Variants in FAT1 observed in about 807,000 individuals in gnomAD.
FAT1 encodes protocadherin Fat 1.
FAT1 carries 171 observed loss-of-function variants against 329.8 expected under a neutral mutation model. The ratio of observed to expected loss-of-function variants is 0.52; its 90% CI spans 0.46 to 0.59. The LOEUF (loss-of-function observed/expected upper bound fraction) is 0.59. Ranked by LOEUF, FAT1 falls within the 20% of genes least tolerant of loss-of-function variation. The pLI is 0.00. For missense variants in FAT1, 5,672 were observed against 5,774.4 expected (o/e 0.98, Z 0.57); for synonymous variants, 2,233 against 2,228.6 (o/e 1.00, Z -0.06).
intron 2 of FAT1, among the ~76,000 whole-genome samples, chr4:186,694,613 A>G (rs941468301): frequency 6.6e-6 from 1 of 152,228 alleles, no homozygotes; most frequent in African/African-American, 2.4e-5. Context: ...CCTTTAAAAG[A>G]AAGTGTTTGG....
At chr4:186,636,941 C>T (rs1740854781) in intron 4 of FAT1, 27 bp from the exon 5 acceptor site, 2 of 1,548,896 alleles carry the variant, frequency 1.3e-6, no homozygotes, top group African/African-American at 1.4e-5. Flanking sequence ...AACAGATTAA[C>T]ATGTTAAGAT....
At position 186,600,423 on chromosome 4, in the gene FAT1, C is replaced by A. The variant is rs1738757073; in HGVS notation, c.11641-63G>T. The A allele has an allele frequency of 6.5e-6, 9 of 1,382,724 alleles. 1 individual carries two copies. In the South Asian group the frequency reaches 1.1e-4, roughly 17 times the overall value. 85.7% of individuals were successfully genotyped at this position (1,382,724 alleles called of 1,614,324 possible). ...AGAACCTTCAATGAGAGCACCTGATCACAAATCTACAGGAGAGGGCTTAGG... is the reference window on the plus strand; with the variant it reads ...AGAACCTTCAATGAGAGCACCTGATAACAAATCTACAGGAGAGGGCTTAGG... On this transcript the variant is annotated intron_variant, in intron 21 of 26. Transcript: ENST00000441802.
At chr4:186,718,847 G>A (rs118145904) in intron 1 of FAT1, among the ~76,000 whole-genome samples, 1 of 152,016 alleles carries the variant, frequency 6.6e-6, no homozygotes, top group East Asian at 1.9e-4. Context: ...CAGAGATCCT[G>A]CAGGTCCACC....
At chr4:186,689,886 G>T (rs1361700909) in intron 2 of FAT1, among the ~76,000 whole-genome samples, 8 of 152,156 alleles carry the variant, frequency 5.3e-5, no homozygotes, top group Non-Finnish European at 8.8e-5. Context: ...AACACACCAT[G>T]TGACTCTTTA....
chr4:186,711,663 A>T (rs1035075464), intron 1 of FAT1, among the ~76,000 whole-genome samples: 1 of 152,188 alleles, frequency 6.6e-6, no homozygotes, highest in African/African-American at 2.4e-5. Flanking sequence ...CACACCTGTA[A>T]TCCCAGAACT....
At position 186,611,636 on chromosome 4, in the gene FAT1, A is replaced by T. The variant is rs1335594631; in HGVS notation, c.9603T>A (p.Ala3201=). The change falls in exon 14 of 27, where the codon GCT becomes GCA. Residue 3201 remains alanine (A), a synonymous_variant. Coordinates refer to ENST00000441802, the MANE Select transcript of FAT1 (RefSeq NM_005245.4). ...LQAVYTLSLK[A]VDQGLPRRLT... ...GCCTCCTTGGCAAGCCTTGATCCAC[A>T]GCTTTCAAAGAGAGGGTGTATACTG... The T allele has an allele frequency of 1.2e-6, 2 of 1,613,434 alleles. No individual in the cohort carries two copies. Among genetic ancestry groups the T allele is most frequent in the African/African-American group, 2.7e-5 (2 of 75,014 alleles).
chr4:186,616,303 G>A (rs1354090177), intron 11 of FAT1, among the ~76,000 whole-genome samples: 1 of 152,070 alleles, frequency 6.6e-6, no homozygotes, highest in Non-Finnish European at 1.5e-5. Context: ...CTGTAATCCA[G>A]TTCACCCTTT....
intron 26 of FAT1, among the ~76,000 whole-genome samples, chr4:186,591,875 T>G (rs1738255847): frequency 6.6e-6 from 1 of 152,138 alleles, no homozygotes; most frequent in Non-Finnish European, 1.5e-5. Flanking sequence ...TCCCCCGAAC[T>G]CTATGATGAC....
chr4:186,666,458 C>G (rs551252856), intron 2 of FAT1, among the ~76,000 whole-genome samples: 2 of 152,132 alleles, frequency 1.3e-5, no homozygotes, highest in East Asian at 1.9e-4. Context: ...ATGTTCTCTC[C>G]GGGAGGATTA....
chr4:186,657,581 G>A (rs921777110), intron 3 of FAT1, among the ~76,000 whole-genome samples: 1 of 152,122 alleles, frequency 6.6e-6, no homozygotes, highest in Non-Finnish European at 1.5e-5. Flanking sequence ...TTTCTCAGGT[G>A]TAAAAGCTAT....
intron 7 of FAT1, among the ~76,000 whole-genome samples, chr4:186,630,575 G>A (rs974814019): frequency 6.6e-6 from 1 of 152,154 alleles, no homozygotes; most frequent in Non-Finnish European, 1.5e-5. Context: ...TGGGACAAGA[G>A]CCCAAACCAG....
chr4:186,699,504 T>C (rs1271488272), intron 2 of FAT1, among the ~76,000 whole-genome samples: 1 of 152,090 alleles, frequency 6.6e-6, no homozygotes, highest in Non-Finnish European at 1.5e-5. Flanking sequence ...ATGTGAATAG[T>C]TTCCTAGACT....
At chr4:186,645,342 T>C (rs368714512) in intron 3 of FAT1, among the ~76,000 whole-genome samples, 1 of 132,096 alleles carries the variant, frequency 7.6e-6, no homozygotes, top group East Asian at 2.3e-4. Context: ...GCCAAGGTAT[T>C]ATGCTTTAAT....
intron 2 of FAT1, among the ~76,000 whole-genome samples, chr4:186,701,539 T>G (rs1251972955): frequency 6.6e-6 from 1 of 152,146 alleles, no homozygotes; most frequent in African/African-American, 2.4e-5. Flanking sequence ...CCGTCTCTAA[T>G]CAAGTTCCTG....
At chr4:186,644,046 T>C (rs917964128) in intron 3 of FAT1, among the ~76,000 whole-genome samples, 6 of 152,188 alleles carry the variant, frequency 3.9e-5, no homozygotes, top group Non-Finnish European at 7.3e-5. Flanking sequence ...TTGAGCTGCC[T>C]GAACCAAAGA....
At position 186,621,330 on chromosome 4, in the gene FAT1, T is replaced by C. The variant is rs1740037002; in HGVS notation, c.5256A>G (p.Leu1752=). 3 of 1,614,044 alleles carry C rather than the reference T, an allele frequency of 1.9e-6. No homozygotes were observed. The highest frequency in any genetic ancestry group is 2.5e-6 in the Non-Finnish European group (3 of 1,179,892). The part of the protein sequence containing the change: ...MAGLSTNTTV[L]VHLQDENDNA... ...TGTCATTCTCATCCTGCAAGTGAAC[T>C]AGAACCGTTGTATTAGTGGACAAAC... Residue 1752 remains leucine, a synonymous_variant, in exon 10 of 27, where the codon CTA becomes CTG. Transcript: ENST00000441802.
At position 186,617,949 on chromosome 4, in the gene FAT1, C is replaced by T; in HGVS notation, c.8637G>A (p.Lys2879=). The change falls in exon 10 of 27, where the codon AAG becomes AAA. Residue 2879 remains lysine, a synonymous_variant. Coordinates refer to ENST00000441802, the MANE Select transcript of FAT1 (RefSeq NM_005245.4). ...ITTLKELDHE[K]RDNYQIKVVA... Reference sequence around the variant, plus strand: ...CCACTTTAATCTGGTAATTGTCTCTCTTTTCATGGTCAAGTTCCTTTAAAG... The same window carrying T: ...CCACTTTAATCTGGTAATTGTCTCTTTTTTCATGGTCAAGTTCCTTTAAAG... 1 of 1,614,022 alleles carries T rather than the reference C, an allele frequency of 6.2e-7. No individual in the cohort carries two copies. Among genetic ancestry groups the T allele is most frequent in the South Asian group, 1.1e-5 (1 of 91,086 alleles).
chr4:186,604,834 G>A (rs908331619), intron 17 of FAT1, among the ~76,000 whole-genome samples: 1 of 136,974 alleles, frequency 7.3e-6, no homozygotes, highest in African/African-American at 2.8e-5. Context: ...GGAAGAGGGA[G>A]GAGGGGAAGC....
At chr4:186,649,521 G>A (rs1007296740) in intron 3 of FAT1, among the ~76,000 whole-genome samples, 4 of 152,130 alleles carry the variant, frequency 2.6e-5, no homozygotes, top group African/African-American at 9.7e-5. Context: ...AATAGCAAGA[G>A]TCTTTTTAAG....
Sources: allele counts gnomAD v4.1 joint callset (sites outside exome capture counted in the v4.1 genomes callset), GRCh38; gene constraint gnomAD v4.1.1; transcripts MANE v1.5; gene names NCBI Gene and HGNC (gene_info 2026-07-23, HGNC 2026-07-21).